Variants in NIPBL observed in about 807,000 individuals in gnomAD.
NIPBL encodes NIPBL cohesin loading factor.
Under a neutral mutation model 321.8 loss-of-function variants are expected in NIPBL, and 19 were observed. The observed-to-expected ratio is 0.06, with a 90% CI of 0.04 to 0.09. The LOEUF (loss-of-function observed/expected upper bound fraction) is 0.09. NIPBL is among the 10% of genes least tolerant of loss of function. The pLI is 1.00. For synonymous variants in NIPBL, 1,106 were observed against 1,114.1 expected (o/e 0.99, Z 0.14); for missense variants, 2,210 against 3,327.0 (o/e 0.66, Z 8.26).
intron 1 of NIPBL, among the ~76,000 whole-genome samples, chr5:36,919,253 G>A (rs1396442193): frequency 6.6e-6 from 1 of 152,016 alleles, no homozygotes; most frequent in Non-Finnish European, 1.5e-5. Context: ...ACTACCAAAA[G>A]GTAAAGTAGG....
chr5:36,898,472 CAA>C (rs1254592952), intron 1 of NIPBL, among the ~76,000 whole-genome samples: 2 of 150,188 alleles, frequency 1.3e-5, no homozygotes, highest in African/African-American at 2.4e-5. Context: ...CAGCTTGAAA[CAA>C]GAGGAAGAAG....
At chr5:36,970,827 A>T (rs758769878) in intron 6 of NIPBL, 49 bp from the exon 7 acceptor site, 2 of 1,461,966 alleles carry the variant, frequency 1.4e-6, no homozygotes, top group Non-Finnish European at 1.9e-6. Context: ...ATTCTCCAAG[A>T]ATGTTAAGAA....
chr5:36,917,540 C>T (rs988901201), intron 1 of NIPBL, among the ~76,000 whole-genome samples: 4 of 152,060 alleles, frequency 2.6e-5, no homozygotes, highest in Admixed American at 2.6e-4. Flanking sequence ...AATGGCATTA[C>T]TCATCATTTA....
At chr5:37,061,775 A>G (rs1365517931) in intron 45 of NIPBL, among the ~76,000 whole-genome samples, 1 of 152,210 alleles carries the variant, frequency 6.6e-6, no homozygotes, top group Non-Finnish European at 1.5e-5. Flanking sequence ...AATACCTAAT[A>G]CAATGTAAAT....
intron 9 of NIPBL, among the ~76,000 whole-genome samples, chr5:36,980,006 CAG>C (rs1320622356): frequency 6.6e-6 from 1 of 151,524 alleles, no homozygotes; most frequent in Non-Finnish European, 1.5e-5. Flanking sequence ...GTAACAAAAA[CAG>C]AGGAGGAATG....
At chr5:37,005,468 T>C (rs1217075695) in intron 16 of NIPBL, among the ~76,000 whole-genome samples, 8 of 152,184 alleles carry the variant, frequency 5.3e-5, no homozygotes, top group Non-Finnish European at 8.8e-5. Context: ...GTATTTAATA[T>C]GTTGTGGATA....
chr5:37,041,590 T>C (rs1309648021), intron 34 of NIPBL, among the ~76,000 whole-genome samples: 2 of 140,678 alleles, frequency 1.4e-5, no homozygotes, highest in Non-Finnish European at 3.1e-5. Flanking sequence ...TAAGACACAG[T>C]CTTGCTCTGT....
In NIPBL at chr5:37,002,841, T is replaced by G. The variant is rs1020366896; in HGVS notation, c.3768+76T>G. The G allele has an allele frequency of 4.7e-6, 4 of 858,676 alleles. No homozygotes were observed. In the Admixed American group the frequency reaches 8.6e-5, roughly 18 times the overall value. The allele number at this position is 858,676 out of a possible 1,614,324, so 53.2% of individuals were successfully genotyped here. On this transcript the variant is annotated intron_variant, in intron 15 of 46. Transcript: ENST00000282516. ...ATTAATTTAAGGTTTTCAGGGTAAA[T>G]TATAAAATTTATGTAAAGTAAATAG... is the stretch of plus-strand genomic sequence containing the variant.
At chr5:37,037,504 G>A (rs1751840620) in intron 33 of NIPBL, among the ~76,000 whole-genome samples, 1 of 149,848 alleles carries the variant, frequency 6.7e-6, no homozygotes. Context: ...CCCATCTAAT[G>A]CACATTAATG....
At chr5:37,021,988 G>A (rs1272838962) in intron 27 of NIPBL, 63 bp from the exon 28 acceptor site, 3 of 1,216,858 alleles carry the variant, frequency 2.5e-6, no homozygotes, top group Non-Finnish European at 3.6e-6. Flanking sequence ...ATGTTTTCAT[G>A]CTATTTTTAA....
chr5:37,047,301 A>C (rs946106403), intron 38 of NIPBL, among the ~76,000 whole-genome samples: 1 of 152,184 alleles, frequency 6.6e-6, no homozygotes, highest in Non-Finnish European at 1.5e-5. Flanking sequence ...TGTTATGATT[A>C]AGGTTTATAC....
chr5:36,980,727 A>G (rs1414837690), intron 9 of NIPBL, among the ~76,000 whole-genome samples: 1 of 151,656 alleles, frequency 6.6e-6, no homozygotes, highest in East Asian at 1.9e-4. Flanking sequence ...GACACCTCCT[A>G]ACAATGCATT....
intron 10 of NIPBL, among the ~76,000 whole-genome samples, chr5:36,993,931 AAT>A (rs1745838687): frequency 2.0e-5 from 3 of 152,274 alleles, no homozygotes; most frequent in African/African-American, 7.2e-5. Flanking sequence ...ATATGTACTC[AAT>A]ATTATGTAGG....
intron 42 of NIPBL, among the ~76,000 whole-genome samples, chr5:37,053,795 A>G (rs150722587): frequency 5.5e-4 from 84 of 152,364 alleles, no homozygotes; most frequent in Non-Finnish European, 8.2e-4. Flanking sequence ...TGCATCTGCT[A>G]TGTACCAGCC....
In NIPBL at chr5:36,985,619, A is replaced by C. The variant is rs886043800; in HGVS notation, c.2439A>C (p.Ser813=). 1.2e-6 allele frequency: 2 copies of C among 1,614,000 alleles called. No homozygotes were observed. The highest frequency in any genetic ancestry group is 1.7e-6 in the Non-Finnish European group (2 of 1,179,980). The change falls in exon 10 of 47, where the codon TCA becomes TCC. Residue 813 remains serine (S), a synonymous_variant. Transcript: ENST00000282516. ...QRPDGRSVSE[S]LRRDHDNKQK... ...CTGATGGGCGATCTGTTTCTGAGTC[A>C]CTAAGACGTGACCATGATAATAAAC...
At chr5:36,881,160 T>G (rs74770018) in intron 1 of NIPBL, among the ~76,000 whole-genome samples, 3 of 152,136 alleles carry the variant, frequency 2.0e-5, no homozygotes, top group African/African-American at 7.2e-5. Context: ...TGTTTCTGGT[T>G]GATTTAAAAG....
intron 1 of NIPBL, among the ~76,000 whole-genome samples, chr5:36,919,133 C>T (rs906977231): frequency 6.6e-6 from 1 of 151,840 alleles, no homozygotes; most frequent in Admixed American, 6.6e-5. Flanking sequence ...TGGTAGAATT[C>T]GAATCCATTT....
intron 24 of NIPBL, among the ~76,000 whole-genome samples, chr5:37,018,044 T>A (rs1330618381): frequency 6.6e-6 from 1 of 152,090 alleles, no homozygotes; most frequent in Non-Finnish European, 1.5e-5. Context: ...CCAAGTATGA[T>A]CCCCTTGACA....
At chr5:36,940,552 A>G (rs1294767482) in intron 1 of NIPBL, among the ~76,000 whole-genome samples, 1 of 151,886 alleles carries the variant, frequency 6.6e-6, no homozygotes, top group Non-Finnish European at 1.5e-5. Flanking sequence ...TGCCTGTTTA[A>G]CTCTTACTTA....
Sources: gnomAD v4.1 joint callset for allele counts (sites outside exome capture counted in the v4.1 genomes callset) on GRCh38, gnomAD v4.1.1 for gene constraint, MANE v1.5 for transcripts, NCBI Gene and HGNC (gene_info 2026-07-23, HGNC 2026-07-21) for gene names.